Variants in ARHGAP29 observed in about 807,000 individuals in gnomAD.
ARHGAP29 encodes Rho GTPase activating protein 29.
In ARHGAP29, 43 loss-of-function variants were observed where a neutral mutation model predicts 122.6. That is an observed-to-expected ratio of 0.35 (90% confidence interval 0.27 to 0.45). The LOEUF (loss-of-function observed/expected upper bound fraction) is 0.45, where lower values mean the gene tolerates loss of function less well. Among genes scored for constraint, ARHGAP29 ranks in the 20% least tolerant of loss-of-function variants. ARHGAP29 has a pLI of 1.00. For missense variants in ARHGAP29, 1,303 were observed against 1,477.2 expected, an observed-to-expected ratio of 0.88 and a Z score of 1.93; for synonymous variants, 506 against 497.1, an observed-to-expected ratio of 1.02 and a Z score of -0.24.
In ARHGAP29 at chr1:94,172,859, G is replaced by C. The variant is rs760665893; in HGVS notation, c.*1010C>G. 2 of 152,406 alleles carry C rather than the reference G, an allele frequency of 1.3e-5. No individual in the cohort carries two copies. The highest frequency in any genetic ancestry group is 2.9e-5 in the Non-Finnish European group (2 of 67,974). The allele number at this position is 152,406 out of a possible 1,614,324, so 9.4% of individuals were successfully genotyped here. A position where few individuals can be genotyped will look rare whatever the true frequency, so the allele number is the denominator to read the frequency against. On this transcript the variant is annotated 3_prime_UTR_variant, in exon 23 of 23. Coordinates refer to ENST00000260526, the MANE Select transcript of ARHGAP29 (RefSeq NM_004815.4). ...TCCAAATAATGAGGCTTACTGACCTGTACTCTCAGAATCAACTTAAATAAA... is the reference window on the plus strand; with the variant it reads ...TCCAAATAATGAGGCTTACTGACCTCTACTCTCAGAATCAACTTAAATAAA...
the ARHGAP29 span, among the ~76,000 whole-genome samples, chr1:94,303,225 G>C: frequency 6.6e-6 from 1 of 151,514 alleles, no homozygotes; most frequent in Non-Finnish European, 1.5e-5. Context: ...CGTGTACCCA[G>C]CCAAAAAAAA....
At chr1:94,260,328 C>A (rs1357617175) in intron 1 of ARHGAP29, among the ~76,000 whole-genome samples, 1 of 152,306 alleles carries the variant, frequency 6.6e-6, no homozygotes, top group East Asian at 1.9e-4. Flanking sequence ...TCTCTTACCC[C>A]CAGAGGGGCC....
Position 94,174,048 on chromosome 1 carries a change from C to G in ARHGAP29, c.3607G>C (p.Val1203Leu). 1.2e-6 allele frequency: 2 copies of G among 1,614,182 alleles called. No individual in the cohort carries two copies. The highest frequency in any genetic ancestry group is 1.7e-6 in the Non-Finnish European group (2 of 1,180,036). ...GTDHDPHGLV[V>L]KSMPDPDKAS... ...TTGTCTGGGTCTGGCATTGACTTCA[C>G]CACGAGACCGTGGGGATCGTGATCT... Residue 1203 changes from valine (V) to leucine (L), a missense_variant, in exon 23 of 23, where the codon GTG becomes CTG. Physicochemically the swap from Val to Leu is conservative, Grantham distance 32 (BLOSUM62 1). Coordinates refer to ENST00000260526, the MANE Select transcript of ARHGAP29 (RefSeq NM_004815.4).
rs759713700 is a variant in ARHGAP29 at position 94,174,053 on chromosome 1, A to G, written c.3602T>C (p.Leu1201Pro). The G allele has an allele frequency of 2.4e-5, 38 of 1,614,070 alleles. No individual in the cohort carries two copies. In the East Asian group the frequency reaches 8.5e-4, roughly 36 times the overall value. Reference protein sequence around the residue: ...PPGTDHDPHGLVVKSMPDPDK... With the variant: ...PPGTDHDPHGPVVKSMPDPDK... ...TGGGTCTGGCATTGACTTCACCACGAGACCGTGGGGATCGTGATCTGTGCC... is the reference window on the plus strand; with the variant it reads ...TGGGTCTGGCATTGACTTCACCACGGGACCGTGGGGATCGTGATCTGTGCC... The change falls in exon 23 of 23, where the codon CTC (leucine) becomes CCC (proline). Residue 1201 changes from leucine to proline, a missense_variant. Transcript: ENST00000260526.
intron 5 of ARHGAP29, among the ~76,000 whole-genome samples, chr1:94,207,366 A>G (rs188558835): frequency 1.6e-3 from 247 of 152,278 alleles, no homozygotes; most frequent in Non-Finnish European, 3.0e-3. Flanking sequence ...TTAGGATTAT[A>G]TATCATCACA....
chr1:94,260,662 T>C (rs1033202459), intron 1 of ARHGAP29, among the ~76,000 whole-genome samples: 1 of 151,994 alleles, frequency 6.6e-6, no homozygotes, highest in Non-Finnish European at 1.5e-5. Flanking sequence ...GGTAGAGAGA[T>C]TGGAAAGACA....
the ARHGAP29 span, among the ~76,000 whole-genome samples, chr1:94,282,930 C>T: frequency 2.6e-5 from 4 of 152,218 alleles, no homozygotes; most frequent in South Asian, 6.2e-4. Flanking sequence ...TAGTGTTTCT[C>T]CCTCTGTGAG....
intron 1 of ARHGAP29, among the ~76,000 whole-genome samples, chr1:94,234,743 C>G (rs2101622919): frequency 6.6e-6 from 1 of 152,266 alleles, no homozygotes; most frequent in African/African-American, 2.4e-5. Context: ...TTGGGCAGCT[C>G]TTTTACAAAT....
chr1:94,174,100 T>C lies in ARHGAP29; in HGVS notation c.3555A>G (p.Ser1185=). 6.2e-7 allele frequency: 1 copy of C among 1,614,178 alleles called. No individual in the cohort carries two copies. The highest frequency in any genetic ancestry group is 1.7e-5 in the Admixed American group (1 of 60,028). Residue 1185 remains serine, a synonymous_variant, in exon 23 of 23, where the codon TCA becomes TCG. Coordinates refer to ENST00000260526, the MANE Select transcript of ARHGAP29 (RefSeq NM_004815.4). Reference sequence around the variant, plus strand: ...TGCCAGGAGGCACTGCTGCTGAGGGTGAAGCTGGCTTCTCCTCATTCCCCC... The same window carrying C: ...TGCCAGGAGGCACTGCTGCTGAGGGCGAAGCTGGCTTCTCCTCATTCCCCC... ...SIRGNEEKPA[S]PSAAVPPGTD...
intron 1 of ARHGAP29, among the ~76,000 whole-genome samples, chr1:94,268,183 A>G (rs1026497073): frequency 5.9e-5 from 9 of 152,212 alleles, no homozygotes; most frequent in Non-Finnish European, 1.3e-4. Flanking sequence ...TTTAATTTAA[A>G]TATTTGTATT....
chr1:94,187,734 C>T (rs139355529), intron 15 of ARHGAP29, among the ~76,000 whole-genome samples: 133 of 152,206 alleles, frequency 8.7e-4, no homozygotes, highest in African/African-American at 3.2e-3. Context: ...TAATTTGGGG[C>T]TTGCTCTAGA....
At chr1:94,276,626 C>G (rs902105877), upstream of ARHGAP29, among the ~76,000 whole-genome samples, 1 of 151,004 alleles carries the variant, frequency 6.6e-6, no homozygotes, top group Non-Finnish European at 1.5e-5. Flanking sequence ...ACAAAAAATA[C>G]AAAAATTAGC....
At chr1:94,307,893 AC>A in the ARHGAP29 span, among the ~76,000 whole-genome samples, 1 of 152,232 alleles carries the variant, frequency 6.6e-6, no homozygotes, top group Non-Finnish European at 1.5e-5. Flanking sequence ...GCAAGACTTA[AC>A]CCAAGAAAAA....
Position 94,189,931 on chromosome 1 carries a change from A to G in ARHGAP29, c.1434T>C (p.Val478=), listed in dbSNP as rs1650035843. The G allele has an allele frequency of 6.2e-7, 1 of 1,613,052 alleles. No homozygotes were observed. The highest frequency in any genetic ancestry group is 8.5e-7 in the Non-Finnish European group (1 of 1,179,348). Residue 478 remains valine, a synonymous_variant, in exon 13 of 23, where the codon GTT becomes GTC. Transcript: ENST00000260526. The part of the protein sequence containing the change: ...KATNSTEEEK[V]DGNVNKHLNS... ...GTCTGTACATTAATTCTCACCCATC[A>G]ACTTTTTCTTCTTCAGTTGAATTTG...
At position 94,218,505 on chromosome 1, in the gene ARHGAP29, G is replaced by A. The variant is rs141187897; in HGVS notation, c.340+1753C>T. Among the ~76,000 whole-genome samples the A allele has an allele frequency of 1.7e-3, 266 of 152,264 alleles. 1 individual carries two copies. The highest frequency in any genetic ancestry group is 2.1e-3 in the Non-Finnish European group (146 of 68,024). On this transcript the variant is annotated intron_variant, in intron 3 of 22. Transcript: ENST00000260526. ...ATACACAGGCGCACTCCTTCCCCAG[G>A]ACATCCTGACTGCACACAATAGCTA...
chr1:94,173,950 C>A lies in ARHGAP29; in HGVS notation c.3705G>T (p.Val1235=). The A allele has an allele frequency of 6.2e-7, 1 of 1,614,218 alleles. No homozygotes were observed. The highest frequency in any genetic ancestry group is 8.5e-7 in the Non-Finnish European group (1 of 1,180,030). ...GCCTTGGTCTCTGACACATTGGATT[C>A]ACATCAGGCAAGCCAAGCTCCTCAG... ...EDSEELGLPD[V]NPMCQRPRLK... is the part of the protein sequence containing the mutation. Residue 1235 remains valine, a synonymous_variant, in exon 23 of 23, where the codon GTG becomes GTT. Coordinates refer to ENST00000260526, the MANE Select transcript of ARHGAP29 (RefSeq NM_004815.4).
chr1:94,176,559 G>A (rs1649104798), intron 22 of ARHGAP29: 1 of 152,088 alleles, frequency 6.6e-6, no homozygotes, highest in African/African-American at 2.4e-5. Flanking sequence ...AAACAAATAA[G>A]CACAGTGCTT....
At chr1:94,313,141 C>T in the ARHGAP29 span, among the ~76,000 whole-genome samples, 1 of 152,280 alleles carries the variant, frequency 6.6e-6, no homozygotes, top group Non-Finnish European at 1.5e-5. Context: ...ATGACAACTT[C>T]ACTCTTCTAG....
chr1:94,296,241 A>G, the ARHGAP29 span, among the ~76,000 whole-genome samples: 1 of 152,098 alleles, frequency 6.6e-6, no homozygotes, highest in Non-Finnish European at 1.5e-5. Context: ...TATCCACGCT[A>G]TTTATGCTCC....
Sources: gnomAD v4.1 joint callset for allele counts (sites outside exome capture counted in the v4.1 genomes callset) on GRCh38, gnomAD v4.1.1 for gene constraint, MANE v1.5 for transcripts, NCBI Gene and HGNC (gene_info 2026-07-23, HGNC 2026-07-21) for gene names.